MYZAP: variants seen among roughly 807,000 people sequenced by gnomAD.
MYZAP encodes the protein GRINL1A complex locus upstream.
A neutral mutation model predicts 69.4 loss-of-function variants in MYZAP; 66 were observed. That is an observed-to-expected ratio of 0.95 (90% CI 0.78 to 1.17). MYZAP has a LOEUF of 1.17. MYZAP is among the 50% of genes most tolerant of loss of function. MYZAP has a pLI of 0.00. For synonymous variants in MYZAP, 256 were observed against 205.9 expected (o/e 1.24, Z -2.09); for missense variants, 611 against 556.2 (o/e 1.10, Z -0.99).
chr15:57,678,041 C>CAAAAAAAAAAAAAAAAAA (rs56102709), intron 12 of MYZAP, among the ~76,000 whole-genome samples: 12 of 116,224 alleles, frequency 1.0e-4, no homozygotes, highest in African/African-American at 4.2e-4. Flanking sequence ...TTATCTCTAC[C>CAAAAAAAAAAAAAAAAAA]AAAAAAAAAA....
At chr15:57,594,620 T>A (rs918514814) in intron 1 of MYZAP, among the ~76,000 whole-genome samples, 2 of 152,088 alleles carry the variant, frequency 1.3e-5, no homozygotes, top group Non-Finnish European at 2.9e-5. Context: ...ATCGCCTAGG[T>A]GTGTGGTAGG....
At chr15:57,641,310 C>A (rs2037143869) in intron 10 of MYZAP, among the ~76,000 whole-genome samples, 1 of 152,136 alleles carries the variant, frequency 6.6e-6, no homozygotes, top group South Asian at 2.1e-4. Flanking sequence ...TCCTAACTTA[C>A]TTCCAGAATA....
chr15:57,602,128 T>G (rs2034453829), intron 1 of MYZAP, among the ~76,000 whole-genome samples: 1 of 151,810 alleles, frequency 6.6e-6, no homozygotes, highest in Non-Finnish European at 1.5e-5. Context: ...TGCAGGGTGG[T>G]TTTGCTAAGA....
At chr15:57,642,702 G>A (rs961348102) in intron 10 of MYZAP, among the ~76,000 whole-genome samples, 11 of 152,144 alleles carry the variant, frequency 7.2e-5, no homozygotes, top group Admixed American at 2.6e-4. Flanking sequence ...TCACTACTGC[G>A]ATCCTTGGGA....
rs536083937 is a variant in MYZAP at position 57,685,130 on chromosome 15, T to A, written c.*632T>A. ...GTCCCTTGGTTTAATTTGTGCCTTA[T>A]GCTTTCATTGGACCAGCTGAAATCA... On this transcript the variant is annotated 3_prime_UTR_variant, in exon 13 of 13. Transcript: ENST00000267853. 1 of 152,342 alleles carries A rather than the reference T, an allele frequency of 6.6e-6. No individual in the cohort carries two copies. Among genetic ancestry groups the A allele is most frequent in the East Asian group, 1.9e-4 (1 of 5,192 alleles). The allele number at this position is 152,342 out of a possible 1,614,324, so 9.4% of individuals were successfully genotyped here.
At chr15:57,646,585 T>G (rs2037457719) in intron 10 of MYZAP, 1 of 1,002,414 alleles carries the variant, frequency 1.0e-6, no homozygotes, top group Non-Finnish European at 1.2e-6. Flanking sequence ...GCTAAGGAGA[T>G]GGGAAGAGAG....
chr15:57,609,124 T>A (rs994116832), intron 2 of MYZAP, among the ~76,000 whole-genome samples: 19 of 152,194 alleles, frequency 1.2e-4, no homozygotes, highest in Non-Finnish European at 2.8e-4. Context: ...TGTAGGCACA[T>A]ACACACACAC....
chr15:57,592,027 G>T lies in MYZAP; in HGVS notation c.-8G>T, dbSNP rs1282281514. ...GGCGTCCAGCCCGCTACCGACCGCCGCTGCGGGATGCTGCGCTCCACGTCC... is the reference window on the plus strand; with the variant it reads ...GGCGTCCAGCCCGCTACCGACCGCCTCTGCGGGATGCTGCGCTCCACGTCC... On this transcript the variant is annotated 5_prime_UTR_variant, in exon 1 of 13. Coordinates refer to ENST00000267853, the MANE Select transcript of MYZAP (RefSeq NM_001018100.5). 4 of 1,433,912 alleles carry T rather than the reference G, an allele frequency of 2.8e-6. No individual in the cohort carries two copies. Among genetic ancestry groups the T allele is most frequent in the Non-Finnish European group, 3.6e-6 (4 of 1,097,830 alleles). 88.8% of individuals were successfully genotyped at this position (1,433,912 alleles called of 1,614,324 possible). A position where few individuals can be genotyped will look rare whatever the true frequency, so the allele number is the denominator to read the frequency against.
chr15:57,645,209 G>A (rs188614258), intron 10 of MYZAP, among the ~76,000 whole-genome samples: 38 of 152,288 alleles, frequency 2.5e-4, no homozygotes, highest in Admixed American at 1.2e-3. Flanking sequence ...AGTATTTAAC[G>A]GTCATCTCTT....
chr15:57,676,983 A>G (rs2039170992), intron 12 of MYZAP, among the ~76,000 whole-genome samples: 3 of 152,228 alleles, frequency 2.0e-5, no homozygotes, highest in Admixed American at 2.0e-4. Context: ...AAAACTACAT[A>G]TCCGTGTTTC....
intron 12 of MYZAP, among the ~76,000 whole-genome samples, chr15:57,676,915 T>C (rs190050115): frequency 6.6e-6 from 1 of 152,306 alleles, no homozygotes; most frequent in Admixed American, 6.5e-5. Context: ...TAACATTTGG[T>C]TTCCCCCCGG....
chr15:57,640,694 T>C (rs1367911523), intron 10 of MYZAP, among the ~76,000 whole-genome samples: 1 of 152,232 alleles, frequency 6.6e-6, no homozygotes, highest in South Asian at 2.1e-4. Flanking sequence ...CATCTTTTTT[T>C]ATTGTGTGTA....
chr15:57,603,126 A>C (rs1311821890), intron 1 of MYZAP, among the ~76,000 whole-genome samples: 2 of 152,156 alleles, frequency 1.3e-5, no homozygotes, highest in Non-Finnish European at 1.5e-5. Context: ...ATTTCAGTGA[A>C]ATTTTTTGGC....
At chr15:57,649,750 G>C (rs139374214) in intron 10 of MYZAP, among the ~76,000 whole-genome samples, 104 of 152,290 alleles carry the variant, frequency 6.8e-4, no homozygotes, top group African/African-American at 2.4e-3. Context: ...TTGATGTAAA[G>C]ATAGTTTCTG....
chr15:57,642,549 G>A (rs561375520), intron 10 of MYZAP, among the ~76,000 whole-genome samples: 4 of 152,190 alleles, frequency 2.6e-5, no homozygotes, highest in East Asian at 3.9e-4. Flanking sequence ...CTGGAAGCTC[G>A]TCTTCATCAT....
intron 12 of MYZAP, among the ~76,000 whole-genome samples, chr15:57,680,513 A>G (rs398043084): frequency 1.6e-5 from 2 of 122,784 alleles, no homozygotes; most frequent in Middle Eastern, 4.4e-3. Context: ...ACACACACAC[A>G]CACAAATGTA....
At chr15:57,626,133 TG>T (rs1160610559) in intron 5 of MYZAP, among the ~76,000 whole-genome samples, 1 of 152,098 alleles carries the variant, frequency 6.6e-6, no homozygotes. Context: ...CCGAGTTTAG[TG>T]TGAGAGATGT....
At chr15:57,675,618 G>A (rs1390699828) in intron 12 of MYZAP, among the ~76,000 whole-genome samples, 3 of 152,144 alleles carry the variant, frequency 2.0e-5, no homozygotes, top group Non-Finnish European at 4.4e-5. Flanking sequence ...ATCTGCTTGA[G>A]TCATCGGCAG....
chr15:57,628,019 T>G (rs1298701315), intron 5 of MYZAP, among the ~76,000 whole-genome samples: 7 of 152,198 alleles, frequency 4.6e-5, no homozygotes, highest in Admixed American at 4.6e-4. Context: ...AAGGCTTATA[T>G]TGTCCAAAGT....
Sources: allele counts gnomAD v4.1 joint callset (sites outside exome capture counted in the v4.1 genomes callset), GRCh38; gene constraint gnomAD v4.1.1; transcripts MANE v1.5; gene names NCBI Gene and HGNC (gene_info 2026-07-23, HGNC 2026-07-21).